Variants in SRRM3 observed in about 807,000 individuals in gnomAD.
SRRM3 encodes serine/arginine repetitive matrix 3.
SRRM3 carries 27 observed loss-of-function variants against 66.2 expected under a neutral mutation model. That is an observed-to-expected ratio of 0.41 (90% CI 0.30 to 0.56). The LOEUF (loss-of-function observed/expected upper bound fraction) is 0.56, where lower values mean the gene tolerates loss of function less well. SRRM3 is among the 20% of genes least tolerant of loss of function. The pLI is 0.32. For missense variants in SRRM3, 918 were observed against 991.9 expected (o/e 0.93, Z 1.00); for synonymous variants, 391 against 414.9 (o/e 0.94, Z 0.70).
At chr7:76,266,652 ATATATTAT>A (rs1802064162) in intron 10 of SRRM3, among the ~76,000 whole-genome samples, 4 of 131,584 alleles carry the variant, frequency 3.0e-5, no homozygotes, top group African/African-American at 1.1e-4. Flanking sequence ...TATATATTAT[ATATATTAT>A]TATATATATT....
At chr7:76,204,640 C>T (rs1223025055) in intron 1 of SRRM3, among the ~76,000 whole-genome samples, 1 of 152,154 alleles carries the variant, frequency 6.6e-6, no homozygotes, top group African/African-American at 2.4e-5. Flanking sequence ...GTGGGTGGCA[C>T]ATGGTGAAGG....
chr7:76,241,530 G>A (rs976524835), intron 2 of SRRM3, among the ~76,000 whole-genome samples: 2 of 152,218 alleles, frequency 1.3e-5, no homozygotes, highest in Admixed American at 6.5e-5. Flanking sequence ...TTGAGACAGA[G>A]TCTCACTCCA....
At chr7:76,215,732 T>A (rs1800551530) in intron 1 of SRRM3, among the ~76,000 whole-genome samples, 1 of 149,380 alleles carries the variant, frequency 6.7e-6, no homozygotes, top group Non-Finnish European at 1.5e-5. Flanking sequence ...GGTTCAAATG[T>A]TCTCCTGTCT....
chr7:76,286,152 C>A lies in SRRM3; in HGVS notation c.*309C>A. ...CCCCCTTCCTGCTGATGCCAACTCA[C>A]CAGGCTTGGGACTGCTGCCGGTGGA... On this transcript the variant is annotated 3_prime_UTR_variant, in exon 15 of 15. Transcript: ENST00000611745. 2.1e-6 allele frequency: 1 copy of A among 474,552 alleles called. No homozygotes were observed. Among genetic ancestry groups the A allele is most frequent in the Non-Finnish European group, 3.9e-6 (1 of 254,644 alleles). 29.4% of individuals were successfully genotyped at this position (474,552 alleles called of 1,614,324 possible). A position where few individuals can be genotyped will look rare whatever the true frequency, so the allele number is the denominator to read the frequency against.
chr7:76,239,054 C>T (rs187966188), intron 2 of SRRM3, among the ~76,000 whole-genome samples: 17 of 151,522 alleles, frequency 1.1e-4, no homozygotes, highest in Admixed American at 3.9e-4. Flanking sequence ...TTCCCTTAGG[C>T]GGAGTTTCAC....
At chr7:76,221,356 C>CT (rs1554603182) in intron 1 of SRRM3, among the ~76,000 whole-genome samples, 2 of 129,270 alleles carry the variant, frequency 1.5e-5, no homozygotes, top group Non-Finnish European at 3.0e-5. Context: ...GGCCTGCCCT[C>CT]CTCTTTTTTT....
intron 2 of SRRM3, among the ~76,000 whole-genome samples, chr7:76,240,957 C>T (rs559895921): frequency 2.0e-5 from 3 of 152,124 alleles, no homozygotes; most frequent in Admixed American, 6.5e-5. Flanking sequence ...AGTGCAATGG[C>T]GCCATCTTGG....
At chr7:76,264,669 A>C in intron 8 of SRRM3, 96 bp from the exon 9 acceptor site, 8 of 1,339,428 alleles carry the variant, frequency 6.0e-6, no homozygotes, top group Non-Finnish European at 8.5e-6. Flanking sequence ...GAGTGGAACA[A>C]ATCTCAGATC....
chr7:76,274,809 G>C (rs1802300158), intron 11 of SRRM3, among the ~76,000 whole-genome samples: 1 of 152,210 alleles, frequency 6.6e-6, no homozygotes, highest in Non-Finnish European at 1.5e-5. Flanking sequence ...AGCAGCTACA[G>C]AAATTTGGCA....
At chr7:76,223,650 C>T (rs1035848411) in intron 1 of SRRM3, among the ~76,000 whole-genome samples, 3 of 152,132 alleles carry the variant, frequency 2.0e-5, no homozygotes, top group African/African-American at 7.2e-5. Context: ...CCTCAGGAGG[C>T]ACATCCTTGC....
chr7:76,219,030 T>C (rs190799322), intron 1 of SRRM3, among the ~76,000 whole-genome samples: 45 of 152,270 alleles, frequency 3.0e-4, no homozygotes, highest in Admixed American at 2.7e-3. Context: ...AATTTTTGTA[T>C]TTTTAGTAGA....
intron 10 of SRRM3, among the ~76,000 whole-genome samples, chr7:76,266,313 T>C (rs1402374920): frequency 3.4e-5 from 4 of 117,566 alleles, no homozygotes; most frequent in East Asian, 4.4e-4. Context: ...AATATTAACA[T>C]ATTTTAATAT....
At chr7:76,252,168 A>C (rs1801596178) in intron 3 of SRRM3, among the ~76,000 whole-genome samples, 1 of 152,214 alleles carries the variant, frequency 6.6e-6, no homozygotes, top group African/African-American at 2.4e-5. Context: ...GCACACACCC[A>C]CAACAGTATC....
chr7:76,265,858 A>ATATATT (rs1554609525), intron 10 of SRRM3, among the ~76,000 whole-genome samples: 9 of 8,372 alleles, frequency 1.1e-3, no homozygotes, highest in African/African-American at 2.4e-3. Context: ...ATATATATAT[A>ATATATT]TTTTTTTTTT....
intron 1 of SRRM3, among the ~76,000 whole-genome samples, chr7:76,233,040 C>T (rs1218264976): frequency 2.0e-5 from 3 of 151,928 alleles, no homozygotes; most frequent in Non-Finnish European, 2.9e-5. Context: ...CGGTGGCTCA[C>T]GCCTGTAATC....
intron 5 of SRRM3, among the ~76,000 whole-genome samples, chr7:76,260,454 G>C (rs1424297989): frequency 7.1e-4 from 92 of 129,762 alleles, no homozygotes; most frequent in African/African-American, 2.5e-3. Flanking sequence ...CCCCCAAGGA[G>C]CCCCTCCCCT....
chr7:76,282,968 A>C lies in SRRM3; in HGVS notation c.1600A>C (p.Lys534Gln). 1 of 1,383,734 alleles carries C rather than the reference A, an allele frequency of 7.2e-7. No homozygotes were observed. 85.7% of individuals were successfully genotyped at this position (1,383,734 alleles called of 1,614,324 possible). ...PSPKKPLSRDKDGEGRARHSE... is the reference protein window; with the variant it reads ...PSPKKPLSRDQDGEGRARHSE... ...TACCTCGCGCCGGCCCCGCAGGGACAAGGACGGCGAGGGCCGCGCAAGGCA... is the reference window on the plus strand; with the variant it reads ...TACCTCGCGCCGGCCCCGCAGGGACCAGGACGGCGAGGGCCGCGCAAGGCA... Residue 534 changes from lysine to glutamine, a missense_variant, in exon 14 of 15, where the codon AAG (lysine) becomes CAG (glutamine). Physicochemically the swap from Lys to Gln is moderately conservative, Grantham distance 53 (BLOSUM62 1). Coordinates refer to ENST00000611745, the MANE Select transcript of SRRM3 (RefSeq NM_001110199.3).
chr7:76,256,485 C>T (rs1009188649), intron 3 of SRRM3, among the ~76,000 whole-genome samples: 3 of 150,600 alleles, frequency 2.0e-5, no homozygotes, highest in South Asian at 4.2e-4. Context: ...CCAGCCTGGG[C>T]GACAAGAGCA....
At chr7:76,223,944 T>A (rs1583879110) in intron 1 of SRRM3, among the ~76,000 whole-genome samples, 1 of 87,082 alleles carries the variant, frequency 1.1e-5, no homozygotes, top group Non-Finnish European at 2.3e-5. Context: ...CCCTCTCCCT[T>A]CTCTTCCCTT....
Sources: gnomAD v4.1 joint callset for allele counts (sites outside exome capture counted in the v4.1 genomes callset) on GRCh38, gnomAD v4.1.1 for gene constraint, MANE v1.5 for transcripts, NCBI Gene and HGNC (gene_info 2026-07-23, HGNC 2026-07-21) for gene names.